NTM: variants seen among roughly 807,000 people sequenced by gnomAD.
NTM encodes neurotrimin.
Under a neutral mutation model 42.1 loss-of-function variants are expected in NTM, and 13 were observed. The ratio of observed to expected loss-of-function variants is 0.31; its 90% CI spans 0.20 to 0.49. The LOEUF (loss-of-function observed/expected upper bound fraction) is 0.49, where lower values mean the gene tolerates loss of function less well. NTM is among the 20% of genes least tolerant of loss of function. The pLI is 0.99. For synonymous variants in NTM, 187 were observed against 179.2 expected, an observed-to-expected ratio of 1.04 and a Z score of -0.35; for missense variants, 373 against 452.8, an observed-to-expected ratio of 0.82 and a Z score of 1.60.
chr11:132,162,939 CCA>C (rs1247326233), intron 3 of NTM, among the ~76,000 whole-genome samples: 1 of 151,950 alleles, frequency 6.6e-6, no homozygotes, highest in African/African-American at 2.4e-5. Context: ...AATGTGAAGA[CCA>C]CAGAGGGAAA....
intron 1 of NTM, among the ~76,000 whole-genome samples, chr11:131,882,132 T>C (rs1480025118): frequency 6.6e-6 from 1 of 152,222 alleles, no homozygotes; most frequent in East Asian, 1.9e-4. Flanking sequence ...GTCAGAATTA[T>C]CTAGAGAATC....
intron 3 of NTM, among the ~76,000 whole-genome samples, chr11:132,148,568 G>A (rs1381662325): frequency 2.6e-5 from 4 of 152,174 alleles, no homozygotes; most frequent in Non-Finnish European, 4.4e-5. Context: ...CATGGAACTG[G>A]AAAGTGGAAG....
chr11:132,214,067 G>A (rs1169137922), intron 4 of NTM, among the ~76,000 whole-genome samples: 1 of 152,192 alleles, frequency 6.6e-6, no homozygotes, highest in Non-Finnish European at 1.5e-5. Flanking sequence ...CTGTGAACAA[G>A]GGGTCTTTGA....
At chr11:131,755,496 A>G (rs984142481) in intron 1 of NTM, among the ~76,000 whole-genome samples, 2 of 152,220 alleles carry the variant, frequency 1.3e-5, no homozygotes, top group African/African-American at 4.8e-5. Flanking sequence ...CTAATTTCTG[A>G]ATAAACAATA....
intron 4 of NTM, among the ~76,000 whole-genome samples, chr11:132,223,999 A>C (rs1327595787): frequency 6.6e-6 from 1 of 152,182 alleles, no homozygotes; most frequent in Non-Finnish European, 1.5e-5. Flanking sequence ...CCCTCGATGA[A>C]TCTTGAGGGA....
chr11:131,730,127 T>G (rs1239438953), intron 1 of NTM, among the ~76,000 whole-genome samples: 1 of 152,204 alleles, frequency 6.6e-6, no homozygotes, highest in Non-Finnish European at 1.5e-5. Context: ...ATGATCACCA[T>G]CCTAGTGGGT....
At chr11:132,317,459 CAT>C (rs1476250837) in intron 7 of NTM, among the ~76,000 whole-genome samples, 11 of 152,126 alleles carry the variant, frequency 7.2e-5, no homozygotes, top group Admixed American at 7.2e-4. Context: ...AATATGGAAA[CAT>C]AAAGCATGTC....
chr11:132,008,482 C>T (rs748236690), intron 2 of NTM, among the ~76,000 whole-genome samples: 5 of 151,404 alleles, frequency 3.3e-5, no homozygotes, highest in Admixed American at 2.6e-4. Flanking sequence ...AATGTTAAAG[C>T]GTTAGTATAG....
intron 1 of NTM, among the ~76,000 whole-genome samples, chr11:131,372,958 T>C (rs536589393): frequency 6.6e-6 from 1 of 152,298 alleles, no homozygotes; most frequent in East Asian, 1.9e-4. Context: ...GCGACAGCAC[T>C]ATCTCAGACC....
intron 2 of NTM, among the ~76,000 whole-genome samples, chr11:132,099,016 G>A (rs1281768509): frequency 6.6e-6 from 1 of 152,222 alleles, no homozygotes; most frequent in Non-Finnish European, 1.5e-5. Context: ...CCCAGAAGCT[G>A]GTCAGGAGCA....
At chr11:131,751,251 T>A (rs1256310058) in intron 1 of NTM, among the ~76,000 whole-genome samples, 1 of 151,744 alleles carries the variant, frequency 6.6e-6, no homozygotes, top group Non-Finnish European at 1.5e-5. Context: ...CTGGCCAACA[T>A]GGTGAAACCC....
At chr11:131,793,066 C>T (rs773058437) in intron 1 of NTM, among the ~76,000 whole-genome samples, 1 of 152,176 alleles carries the variant, frequency 6.6e-6, no homozygotes, top group Non-Finnish European at 1.5e-5. Context: ...TAGCGAGAAT[C>T]GCCAACGTAC....
intron 7 of NTM, among the ~76,000 whole-genome samples, chr11:132,319,950 T>G (rs1309699421): frequency 6.6e-6 from 1 of 152,200 alleles, no homozygotes; most frequent in East Asian, 1.9e-4. Context: ...GCAGCATCAG[T>G]GGTTCACCAA....
chr11:131,824,245 G>A (rs2041869452), intron 1 of NTM, among the ~76,000 whole-genome samples: 1 of 152,160 alleles, frequency 6.6e-6, no homozygotes, highest in Non-Finnish European at 1.5e-5. Context: ...AATAATTCAA[G>A]CCATTTGGTA....
intron 1 of NTM, among the ~76,000 whole-genome samples, chr11:131,375,480 T>C (rs1941839631): frequency 6.6e-6 from 1 of 152,212 alleles, no homozygotes; most frequent in Admixed American, 6.5e-5. Context: ...ACCATCCTAG[T>C]GTTCCTAGAA....
intron 4 of NTM, among the ~76,000 whole-genome samples, chr11:132,252,085 C>G (rs1256770326): frequency 1.3e-5 from 2 of 152,176 alleles, no homozygotes; most frequent in African/African-American, 4.8e-5. Flanking sequence ...CCATAAGCCC[C>G]TCAGCCTCCC....
At chr11:132,218,081 C>G (rs914745711) in intron 4 of NTM, among the ~76,000 whole-genome samples, 1 of 152,128 alleles carries the variant, frequency 6.6e-6, no homozygotes, top group Non-Finnish European at 1.5e-5. Flanking sequence ...CGGCTGACTG[C>G]AGCACCCTGG....
intron 2 of NTM, among the ~76,000 whole-genome samples, chr11:132,066,286 G>A (rs1401374648): frequency 6.6e-6 from 1 of 152,154 alleles, no homozygotes; most frequent in Non-Finnish European, 1.5e-5. Flanking sequence ...TCCTCCACCT[G>A]AGGAACTGTT....
At chr11:131,883,678 C>T (rs536890267) in intron 1 of NTM, among the ~76,000 whole-genome samples, 14 of 152,232 alleles carry the variant, frequency 9.2e-5, no homozygotes, top group African/African-American at 2.6e-4. Context: ...TTTACGAACT[C>T]GGTGTCTGAA....
Sources: allele counts gnomAD v4.1 joint callset (sites outside exome capture counted in the v4.1 genomes callset), GRCh38; gene constraint gnomAD v4.1.1; transcripts MANE v1.5; gene names NCBI Gene and HGNC (gene_info 2026-07-23, HGNC 2026-07-21).